Variants in MAF observed in about 807,000 individuals in gnomAD.
MAF encodes MAF bZIP transcription factor.
Under a neutral mutation model 22.0 loss-of-function variants are expected in MAF, and 10 were observed. That is an observed-to-expected ratio of 0.45 (90% CI 0.28 to 0.77). The LOEUF is 0.77. MAF is among the 30% of genes least tolerant of loss of function. The pLI, the probability that MAF is intolerant of heterozygous loss-of-function variation, is 0.12. For missense variants in MAF, 544 were observed against 548.4 expected, an observed-to-expected ratio of 0.99 and a Z score of 0.08; for synonymous variants, 337 against 255.8, an observed-to-expected ratio of 1.32 and a Z score of -3.03.
chr16:79,525,286 G>T, the MAF span, among the ~76,000 whole-genome samples: 2 of 152,080 alleles, frequency 1.3e-5, no homozygotes, highest in African/African-American at 4.8e-5. Flanking sequence ...GGATGTTTTG[G>T]GTAAAGTGAT....
chr16:79,509,961 C>T, the MAF span, among the ~76,000 whole-genome samples: 1 of 152,160 alleles, frequency 6.6e-6, no homozygotes, highest in Non-Finnish European at 1.5e-5. Context: ...TGAAGGATAG[C>T]GGAGGGTATC....
the MAF span, among the ~76,000 whole-genome samples, chr16:79,579,040 C>A: frequency 2.6e-5 from 4 of 152,094 alleles, no homozygotes; most frequent in African/African-American, 7.2e-5. Context: ...AAAATGCCAA[C>A]TGACAAGCAC....
the MAF span, among the ~76,000 whole-genome samples, chr16:79,565,680 G>C: frequency 6.6e-6 from 1 of 152,112 alleles, no homozygotes; most frequent in African/African-American, 2.4e-5. Context: ...ATAATTGTAA[G>C]TTTCCTGACG....
At chr16:79,299,477 G>C in the MAF span, among the ~76,000 whole-genome samples, 1 of 152,222 alleles carries the variant, frequency 6.6e-6, no homozygotes, top group Non-Finnish European at 1.5e-5. Flanking sequence ...GGCGCAAACT[G>C]TGCAGACAAG....
chr16:79,232,199 G>C, the MAF span, among the ~76,000 whole-genome samples: 1 of 152,064 alleles, frequency 6.6e-6, no homozygotes. Flanking sequence ...CAGGGGTTGG[G>C]GAATCCCTGA....
chr16:79,365,429 G>A, the MAF span, among the ~76,000 whole-genome samples: 1 of 152,138 alleles, frequency 6.6e-6, no homozygotes, highest in Non-Finnish European at 1.5e-5. Context: ...ATGAATTTCT[G>A]GAGCCTAGTA....
At chr16:79,272,009 G>C in the MAF span, among the ~76,000 whole-genome samples, 1 of 152,158 alleles carries the variant, frequency 6.6e-6, no homozygotes, top group South Asian at 2.1e-4. Flanking sequence ...TCTCCAAATA[G>C]GTCCGTTCAC....
chr16:79,478,853 C>G, the MAF span, among the ~76,000 whole-genome samples: 2 of 151,478 alleles, frequency 1.3e-5, no homozygotes, highest in Admixed American at 6.6e-5. Context: ...ACCTTTGCAC[C>G]ACACCAGCAT....
At chr16:79,475,633 G>T in the MAF span, among the ~76,000 whole-genome samples, 211 of 152,248 alleles carry the variant, frequency 1.4e-3, no homozygotes, top group Middle Eastern at 0.014. Context: ...ATTCATAAGG[G>T]TGTGGGTTAT....
chr16:79,583,612 C>T (rs1419357771), downstream of MAF, among the ~76,000 whole-genome samples: 3 of 152,220 alleles, frequency 2.0e-5, no homozygotes, highest in Admixed American at 6.5e-5. Flanking sequence ...TCCCCACGTT[C>T]TGATCGGTCT....
chr16:79,512,557 G>A, the MAF span, among the ~76,000 whole-genome samples: 17 of 152,256 alleles, frequency 1.1e-4, no homozygotes, highest in African/African-American at 3.6e-4. Flanking sequence ...CACCATCTGA[G>A]CTGACTCTCT....
chr16:79,270,134 G>A, the MAF span, among the ~76,000 whole-genome samples: 2 of 151,976 alleles, frequency 1.3e-5, no homozygotes, highest in South Asian at 2.1e-4. Context: ...GAAGATCAGG[G>A]AATAGGCAGC....
At chr16:79,220,203 C>T in the MAF span, among the ~76,000 whole-genome samples, 1 of 138,700 alleles carries the variant, frequency 7.2e-6, no homozygotes, top group East Asian at 2.1e-4. Flanking sequence ...CTGCTGTGAG[C>T]TCAGATGGTG....
At chr16:79,499,030 C>G in the MAF span, among the ~76,000 whole-genome samples, 5,527 of 152,178 alleles carry the variant, frequency 0.036, 370 homozygotes, top group African/African-American at 0.13. Flanking sequence ...GAAGCCCTCC[C>G]CAGATAGACA....
chr16:79,577,095 A>C, the MAF span, among the ~76,000 whole-genome samples: 2 of 152,138 alleles, frequency 1.3e-5, no homozygotes, highest in African/African-American at 2.4e-5. Context: ...TTTTCAGTAG[A>C]AAAAAAGCCA....
chr16:79,384,606 A>T, the MAF span, among the ~76,000 whole-genome samples: 1 of 151,596 alleles, frequency 6.6e-6, no homozygotes, highest in East Asian at 1.9e-4. Flanking sequence ...AAATACAAAA[A>T]ATTAGCTGGG....
At chr16:79,290,908 A>G in the MAF span, among the ~76,000 whole-genome samples, 1 of 152,270 alleles carries the variant, frequency 6.6e-6, no homozygotes, top group Non-Finnish European at 1.5e-5. Context: ...CCTCAACCAG[A>G]CTTTCTGTGG....
chr16:79,249,495 T>C, the MAF span, among the ~76,000 whole-genome samples: 1 of 150,876 alleles, frequency 6.6e-6, no homozygotes, highest in African/African-American at 2.4e-5. Flanking sequence ...GAAAGATCCA[T>C]CTTTGGGGAA....
chr16:79,565,470 AC>A, the MAF span, among the ~76,000 whole-genome samples: 1 of 151,076 alleles, frequency 6.6e-6, no homozygotes, highest in East Asian at 1.9e-4. Flanking sequence ...CCCAAATCTC[AC>A]CTTGAACTGT....
Sources: allele counts gnomAD v4.1 joint callset (sites outside exome capture counted in the v4.1 genomes callset), GRCh38; gene constraint gnomAD v4.1.1; transcripts MANE v1.5; gene names NCBI Gene and HGNC (gene_info 2026-07-23, HGNC 2026-07-21).